Variants in KNDC1 observed in about 807,000 individuals in gnomAD.
The protein encoded by KNDC1 is kinase non-catalytic C-lobe domain containing 1.
Under a neutral mutation model 172.8 loss-of-function variants are expected in KNDC1, and 106 were observed. The observed-to-expected ratio is 0.61, with a 90% CI of 0.52 to 0.72. The LOEUF (loss-of-function observed/expected upper bound fraction) is 0.72, where lower values mean the gene tolerates loss of function less well. Among genes scored for constraint, KNDC1 ranks in the 30% least tolerant of loss-of-function variants. The probability of loss-of-function intolerance (pLI) is 0.00; values close to 1 mark genes in which losing one functional copy is unlikely to be tolerated. For synonymous variants in KNDC1, 1,083 were observed against 1,062.2 expected (o/e 1.02, Z -0.38); for missense variants, 2,325 against 2,394.5 (o/e 0.97, Z 0.61).
chr10:133,204,496 C>T (rs1000234290), intron 17 of KNDC1, among the ~76,000 whole-genome samples: 2 of 152,176 alleles, frequency 1.3e-5, no homozygotes, highest in Non-Finnish European at 2.9e-5. Context: ...CTGGTCTTTA[C>T]GCAGCTGGGA....
intron 9 of KNDC1, among the ~76,000 whole-genome samples, chr10:133,195,327 G>T (rs1357563517): frequency 6.6e-6 from 1 of 152,202 alleles, no homozygotes; most frequent in Non-Finnish European, 1.5e-5. Flanking sequence ...TGAGGTGGGG[G>T]CTATGCTGGC....
At chr10:133,195,132 G>A (rs1463711142) in intron 9 of KNDC1, among the ~76,000 whole-genome samples, 1 of 152,224 alleles carries the variant, frequency 6.6e-6, no homozygotes. Flanking sequence ...CTGGCTCTGT[G>A]GAACTTACAA....
chr10:133,193,719 A>T (rs1463790932), intron 9 of KNDC1, among the ~76,000 whole-genome samples: 2 of 152,250 alleles, frequency 1.3e-5, no homozygotes, highest in African/African-American at 4.8e-5. Context: ...GTTGAAAGTT[A>T]AAAGAGTTGA....
intron 3 of KNDC1, among the ~76,000 whole-genome samples, chr10:133,170,104 T>G (rs531357295): frequency 6.6e-6 from 1 of 152,360 alleles, no homozygotes; most frequent in East Asian, 1.9e-4. Context: ...CTGCTGTGTG[T>G]TATCCCGTCG....
chr10:133,226,109 G>T lies in KNDC1; in HGVS notation c.*1219G>T, dbSNP rs999158644. 6.6e-6 allele frequency: 1 copy of T among 152,154 alleles called. No individual in the cohort carries two copies. Among genetic ancestry groups the T allele is most frequent in the African/African-American group, 2.4e-5 (1 of 41,468 alleles). The allele number at this position is 152,154 out of a possible 1,614,324, so 9.4% of individuals were successfully genotyped here. Reference sequence around the variant, plus strand: ...ATCGCTGCATTTTTAATGTCAAGATGTGTTTTCCCACATAAATTCACCGGA... The same window carrying T: ...ATCGCTGCATTTTTAATGTCAAGATTTGTTTTCCCACATAAATTCACCGGA... On this transcript the variant is annotated 3_prime_UTR_variant, in exon 30 of 30. Coordinates refer to ENST00000304613, the MANE Select transcript of KNDC1 (RefSeq NM_152643.8).
intron 26 of KNDC1, among the ~76,000 whole-genome samples, chr10:133,215,259 TG>T (rs1845449298): frequency 6.6e-6 from 1 of 152,184 alleles, no homozygotes; most frequent in African/African-American, 2.4e-5. Flanking sequence ...CTGAAGGCTC[TG>T]GGGGAACCAG....
intron 6 of KNDC1, among the ~76,000 whole-genome samples, chr10:133,187,437 G>A (rs1356227427): frequency 7.2e-5 from 11 of 152,238 alleles, no homozygotes; most frequent in South Asian, 2.1e-4. Flanking sequence ...GAGCTCCTCC[G>A]GGCAAGGTCA....
chr10:133,223,899 G>A (rs576585771), intron 29 of KNDC1, among the ~76,000 whole-genome samples: 2 of 130,304 alleles, frequency 1.5e-5, no homozygotes, highest in Admixed American at 1.6e-4. Context: ...TCTTCCCGGC[G>A]TGTGTGTGAG....
At chr10:133,165,883 C>T (rs1017306595) in intron 1 of KNDC1, among the ~76,000 whole-genome samples, 16 of 152,174 alleles carry the variant, frequency 1.1e-4, no homozygotes, top group African/African-American at 3.6e-4. Flanking sequence ...GGGAGATTCC[C>T]GCCATAGAAA....
At chr10:133,216,688 A>G (rs1466534101) in intron 26 of KNDC1, among the ~76,000 whole-genome samples, 1 of 152,178 alleles carries the variant, frequency 6.6e-6, no homozygotes, top group Non-Finnish European at 1.5e-5. Context: ...AATAAAAAAT[A>G]AAAATGGGGA....
At position 133,213,758 on chromosome 10, in the gene KNDC1, G is replaced by A. The variant is rs778741648; in HGVS notation, c.4526+31G>A. The A allele has an allele frequency of 3.3e-5, 52 of 1,597,330 alleles. 2 individuals carry two copies. Among genetic ancestry groups the A allele is most frequent in the Middle Eastern group, 1.7e-4 (1 of 6,040 alleles). Reference sequence around the variant, plus strand: ...CGTCCGGGACCCTCAGCTGGGAGCGGTGGTGGAGGGTCTCGGGGGCTTCCC... The same window carrying A: ...CGTCCGGGACCCTCAGCTGGGAGCGATGGTGGAGGGTCTCGGGGGCTTCCC... On this transcript the variant is annotated intron_variant, in intron 25 of 29. Coordinates refer to ENST00000304613, the MANE Select transcript of KNDC1 (RefSeq NM_152643.8).
At chr10:133,184,527 T>C (rs1164023527) in intron 5 of KNDC1, among the ~76,000 whole-genome samples, 1 of 152,222 alleles carries the variant, frequency 6.6e-6, no homozygotes, top group Non-Finnish European at 1.5e-5. Flanking sequence ...TTGCTCACAG[T>C]CACACACATG....
At chr10:133,207,460 G>A in intron 20 of KNDC1, 109 bp downstream of exon 20, 2 of 1,023,688 alleles carry the variant, frequency 2.0e-6, no homozygotes, top group Non-Finnish European at 2.9e-6. Flanking sequence ...GCACTTTTTA[G>A]TTTAGAGAAA....
At chr10:133,178,168 CTG>C (rs1325286594) in intron 3 of KNDC1, among the ~76,000 whole-genome samples, 1 of 143,568 alleles carries the variant, frequency 7.0e-6, no homozygotes, top group African/African-American at 2.6e-5. Context: ...CGAGTGTATC[CTG>C]TGTGTAGCAT....
rs758882850 is a variant in KNDC1 at position 133,198,634 on chromosome 10, G to C, written c.2126G>C (p.Gly709Ala). ...GAGGAGAGGGGCGGCCAGAGGGAGG[G>C]AGAAGGTGAGGAGAAGCTCTCCCTG... ...ESEERGGQRE[G>A]EGEEKLSLEA... The change falls in exon 14 of 30, where the codon GGA becomes GCA. Residue 709 changes from glycine to alanine, a missense_variant. Gly to Ala is a moderately conservative substitution (Grantham distance 60). Coordinates refer to ENST00000304613, the MANE Select transcript of KNDC1 (RefSeq NM_152643.8). The C allele has an allele frequency of 3.7e-6, 6 of 1,605,550 alleles. No homozygotes were observed. In the African/African-American group the frequency reaches 8.0e-5, roughly 21 times the overall value.
At chr10:133,162,548 G>C (rs1031438523) in intron 1 of KNDC1, among the ~76,000 whole-genome samples, 3 of 152,214 alleles carry the variant, frequency 2.0e-5, no homozygotes, top group African/African-American at 7.2e-5. Context: ...GGAGCCCCTG[G>C]AATGTCCCTC....
intron 3 of KNDC1, 76 bp downstream of exon 3, chr10:133,168,388 C>A (rs1431343813): frequency 6.9e-7 from 1 of 1,451,318 alleles, no homozygotes. Flanking sequence ...CTCAGAAATG[C>A]ACCTGCCTTG....
At chr10:133,202,841 A>C in intron 17 of KNDC1, 2 of 346,908 alleles carry the variant, frequency 5.8e-6, no homozygotes, top group South Asian at 2.1e-5. Context: ...CTGCACCTGC[A>C]TCTCGGACAC....
intron 3 of KNDC1, among the ~76,000 whole-genome samples, chr10:133,182,162 G>A (rs1853737167): frequency 6.6e-6 from 1 of 152,158 alleles, no homozygotes; most frequent in Admixed American, 6.5e-5. Context: ...GCCGCGGGAT[G>A]CAGGGCTTTC....
Sources: allele counts gnomAD v4.1 joint callset (sites outside exome capture counted in the v4.1 genomes callset), GRCh38; gene constraint gnomAD v4.1.1; transcripts MANE v1.5; gene names NCBI Gene and HGNC (gene_info 2026-07-23, HGNC 2026-07-21).